The following RIMS2 variants were observed in gnomAD, a reference collection of about 807,000 sequenced individuals.
RIMS2 encodes the protein regulating synaptic membrane exocytosis 2.
A neutral mutation model predicts 174.4 loss-of-function variants in RIMS2; 59 were observed. The ratio of observed to expected loss-of-function variants is 0.34; its 90% CI spans 0.27 to 0.42. RIMS2 has a LOEUF of 0.42. Among genes scored for constraint, RIMS2 ranks in the 10% least tolerant of loss-of-function variants. The pLI, the probability that RIMS2 is intolerant of heterozygous loss-of-function variation, is 1.00. For synonymous variants in RIMS2, 606 were observed against 572.5 expected, an observed-to-expected ratio of 1.06 and a Z score of -0.84; for missense variants, 1,620 against 1,666.3, an observed-to-expected ratio of 0.97 and a Z score of 0.48.
intron 3 of RIMS2, among the ~76,000 whole-genome samples, chr8:103,795,544 C>T (rs1166978126): frequency 2.6e-5 from 4 of 151,824 alleles, no homozygotes; most frequent in Non-Finnish European, 4.4e-5. Context: ...CAAACCTGCA[C>T]GTTGTGTACA....
intron 19 of RIMS2, among the ~76,000 whole-genome samples, chr8:104,187,096 A>T (rs1435886921): frequency 1.3e-5 from 2 of 151,984 alleles, no homozygotes; most frequent in Non-Finnish European, 2.9e-5. Flanking sequence ...TGATTTTAAT[A>T]TACTTTGTCT....
chr8:104,007,431 G>A (rs2095623373), intron 17 of RIMS2, among the ~76,000 whole-genome samples: 1 of 152,046 alleles, frequency 6.6e-6, no homozygotes, highest in South Asian at 2.1e-4. Flanking sequence ...ATTAAAAATT[G>A]TCATAAACGG....
At chr8:103,545,244 C>G (rs75206978) in intron 1 of RIMS2, among the ~76,000 whole-genome samples, 1 of 152,166 alleles carries the variant, frequency 6.6e-6, no homozygotes, top group East Asian at 1.9e-4. Context: ...CAAGTATTCA[C>G]AGCAGAATCA....
chr8:103,959,815 C>T (rs1000880584), intron 14 of RIMS2, among the ~76,000 whole-genome samples: 2 of 152,150 alleles, frequency 1.3e-5, no homozygotes, highest in Non-Finnish European at 2.9e-5. Context: ...CCTTTGGCTT[C>T]CTCACTGAGG....
Position 103,542,914 on chromosome 8 carries a change from TCATTCCCAATGGTGAAAGTTGAA to T in RIMS2, c.176+41853_176+41875del, listed in dbSNP as rs2131312433. ...TTACATCACAAACTCACAACTAACA[TCATTCCCAATGGTGAAAGTTGAA>T]AACTTTCCTGTAAGATCAGGAATAA... On this transcript the variant is annotated intron_variant, in intron 1 of 23. Coordinates refer to ENST00000504942, the Ensembl canonical transcript of RIMS2. Among the ~76,000 whole-genome samples, 3 of 152,244 alleles carry T rather than the reference TCATTCCCAATGGTGAAAGTTGAA, an allele frequency of 2.0e-5. No individual in the cohort carries two copies. In the East Asian group the frequency reaches 5.8e-4, roughly 29 times the overall value.
At chr8:103,519,753 T>TA (rs1830739962) in intron 1 of RIMS2, among the ~76,000 whole-genome samples, 1 of 142,670 alleles carries the variant, frequency 7.0e-6, no homozygotes, top group Non-Finnish European at 1.5e-5. Flanking sequence ...TTTTTTTTTT[T>TA]AACCTCTGTT....
In RIMS2 at chr8:104,223,597, A is replaced by T. The variant is rs1413346640; in HGVS notation, c.3335-21319A>T. On this transcript the variant is annotated intron_variant, in intron 19 of 23. Transcript: ENST00000504942. Reference sequence around the variant, plus strand: ...GGAACCGCTGCGGACGCTGCGCCCCAGCCGCCAAGACGCCGCGTATCTTGT... The same window carrying T: ...GGAACCGCTGCGGACGCTGCGCCCCTGCCGCCAAGACGCCGCGTATCTTGT... 2.6e-6 allele frequency: 4 copies of T among 1,513,072 alleles called. No homozygotes were observed. In the Admixed American group the frequency reaches 6.2e-5, roughly 23 times the overall value. 93.7% of individuals were successfully genotyped at this position (1,513,072 alleles called of 1,614,324 possible). A position where few individuals can be genotyped will look rare whatever the true frequency, so the allele number is the denominator to read the frequency against.
At chr8:103,820,062 T>C (rs1334164869) in intron 3 of RIMS2, among the ~76,000 whole-genome samples, 2 of 152,116 alleles carry the variant, frequency 1.3e-5, no homozygotes, top group Non-Finnish European at 1.5e-5. Flanking sequence ...GTTTAAGACA[T>C]TTCTCTATGC....
At chr8:104,147,338 T>C (rs1194686494) in intron 19 of RIMS2, among the ~76,000 whole-genome samples, 1 of 152,138 alleles carries the variant, frequency 6.6e-6, no homozygotes, top group Non-Finnish European at 1.5e-5. Context: ...GATATAATAG[T>C]ATACTTCACT....
At chr8:104,073,942 T>C (rs574589212) in intron 19 of RIMS2, among the ~76,000 whole-genome samples, 22 of 152,350 alleles carry the variant, frequency 1.4e-4, no homozygotes, top group Non-Finnish European at 2.8e-4. Context: ...ATTGGTGGAC[T>C]TATAAGCAGT....
intron 1 of RIMS2, among the ~76,000 whole-genome samples, chr8:103,568,117 T>C (rs910452909): frequency 6.6e-6 from 1 of 151,516 alleles, no homozygotes; most frequent in Non-Finnish European, 1.5e-5. Context: ...AACAAATAAA[T>C]AAATAAAAGT....
rs953449770 is a variant in RIMS2 at position 104,187,430 on chromosome 8, A to G, written c.3335-57486A>G. Among the ~76,000 whole-genome samples the G allele has an allele frequency of 2.3e-4, 35 of 151,802 alleles. 1 individual carries two copies. Among genetic ancestry groups the G allele is most frequent in the Non-Finnish European group, 5.9e-5 (4 of 67,824 alleles). On this transcript the variant is annotated intron_variant, in intron 19 of 23. Coordinates refer to ENST00000504942, the Ensembl canonical transcript of RIMS2. Reference sequence around the variant, plus strand: ...GTGTCCTGCTGCTAGGGAAGTATCAACGCAGAATTAAAATAGGCTTAGAAA... The same window carrying G: ...GTGTCCTGCTGCTAGGGAAGTATCAGCGCAGAATTAAAATAGGCTTAGAAA...
intron 19 of RIMS2, among the ~76,000 whole-genome samples, chr8:104,241,832 T>G (rs1563956155): frequency 6.6e-6 from 1 of 152,204 alleles, no homozygotes; most frequent in South Asian, 2.1e-4. Context: ...CAATTTCGGC[T>G]CACTGCAACC....
chr8:103,756,286 A>G (rs72679487), intron 2 of RIMS2, among the ~76,000 whole-genome samples: 17,619 of 151,590 alleles, frequency 0.12, 1,355 homozygotes, highest in Non-Finnish European at 0.17. Context: ...GAAATCACCC[A>G]TCTTCTGCCT....
intron 19 of RIMS2, among the ~76,000 whole-genome samples, chr8:104,117,606 T>G (rs1036299147): frequency 2.0e-5 from 3 of 152,174 alleles, no homozygotes; most frequent in Non-Finnish European, 4.4e-5. Flanking sequence ...CCTCCCAAAG[T>G]GCTGGGATTA....
At chr8:103,836,400 A>G (rs2098891155) in intron 3 of RIMS2, among the ~76,000 whole-genome samples, 1 of 152,102 alleles carries the variant, frequency 6.6e-6, no homozygotes. Flanking sequence ...AAACAAGGAA[A>G]GAAAGAAAAA....
At chr8:103,777,393 C>T (rs1287866267) in intron 3 of RIMS2, among the ~76,000 whole-genome samples, 1 of 151,730 alleles carries the variant, frequency 6.6e-6, no homozygotes, top group African/African-American at 2.4e-5. Flanking sequence ...AAAACATTTT[C>T]ACTGGTCAGC....
chr8:104,194,525 T>G (rs1048872087), intron 19 of RIMS2, among the ~76,000 whole-genome samples: 1 of 152,154 alleles, frequency 6.6e-6, no homozygotes, highest in Non-Finnish European at 1.5e-5. Flanking sequence ...AAATACATTT[T>G]TAAAACATAA....
intron 10 of RIMS2, among the ~76,000 whole-genome samples, chr8:103,926,329 G>T (rs2154530676): frequency 6.6e-6 from 1 of 151,556 alleles, no homozygotes; most frequent in East Asian, 1.9e-4. Flanking sequence ...CATTATAATA[G>T]CCTGTGGTTA....
Sources: gnomAD v4.1 joint callset for allele counts (sites outside exome capture counted in the v4.1 genomes callset) on GRCh38, gnomAD v4.1.1 for gene constraint, MANE v1.5 for transcripts, NCBI Gene and HGNC (gene_info 2026-07-23, HGNC 2026-07-21) for gene names.